Variants in RANBP9 observed in about 807,000 individuals in gnomAD.
The protein encoded by RANBP9 is RAN binding protein 9, also known as ran-binding protein 9.
Under a neutral mutation model 84.3 loss-of-function variants are expected in RANBP9, and 15 were observed. The observed-to-expected ratio is 0.18, with a 90% CI of 0.12 to 0.27. The LOEUF is 0.27. Among genes scored for constraint, RANBP9 ranks in the 10% least tolerant of loss-of-function variants. RANBP9 has a pLI of 1.00. For synonymous variants in RANBP9, 392 were observed against 349.6 expected, an observed-to-expected ratio of 1.12 and a Z score of -1.35; for missense variants, 809 against 912.8, an observed-to-expected ratio of 0.89 and a Z score of 1.46.
At chr6:13,687,999 C>T (rs2113342789) in intron 2 of RANBP9, among the ~76,000 whole-genome samples, 1 of 152,316 alleles carries the variant, frequency 6.6e-6, no homozygotes, top group East Asian at 1.9e-4. Context: ...ACAGCAGCAG[C>T]AAGAAGACAC....
intron 2 of RANBP9, among the ~76,000 whole-genome samples, chr6:13,661,932 T>C (rs1228592953): frequency 7.1e-4 from 108 of 152,174 alleles, no homozygotes; most frequent in Admixed American, 7.1e-3. Context: ...GTTCAAAGTA[T>C]TGAAAGTAAA....
chr6:13,698,015 T>TCACAC (rs1164987476), intron 1 of RANBP9, among the ~76,000 whole-genome samples: 8 of 152,246 alleles, frequency 5.3e-5, no homozygotes. Flanking sequence ...TATACAATCA[T>TCACAC]CACACATGAA....
intron 12 of RANBP9, among the ~76,000 whole-genome samples, chr6:13,630,952 G>A (rs554259776): frequency 2.6e-5 from 4 of 151,808 alleles, no homozygotes; most frequent in East Asian, 1.9e-4. Flanking sequence ...TGGGACTACC[G>A]GCGCCCGCCA....
rs557864258 is a variant in RANBP9 at position 13,653,513 on chromosome 6, T to C, written c.905-832A>G. On this transcript the variant is annotated intron_variant, in intron 4 of 13. Transcript: ENST00000011619. ...GGTGAGTCAGTCAGCTGATCTCAAT[T>C]CTTCCAGTCTAAAACAAACATTAAA... is the stretch of plus-strand genomic sequence containing the variant. Among the ~76,000 whole-genome samples, 7 of 152,276 alleles carry C rather than the reference T, an allele frequency of 4.6e-5. No individual in the cohort carries two copies. In the South Asian group the frequency reaches 1.4e-3, roughly 32 times the overall value.
At chr6:13,635,598 T>G (rs1764917583) in intron 10 of RANBP9, among the ~76,000 whole-genome samples, 1 of 151,012 alleles carries the variant, frequency 6.6e-6, no homozygotes, top group Non-Finnish European at 1.5e-5. Context: ...CATACACTCC[T>G]GTTAGTAAAA....
chr6:13,644,891 T>C (rs1276075700), intron 5 of RANBP9, among the ~76,000 whole-genome samples, 162 bp from the exon 6 acceptor site: 1 of 152,186 alleles, frequency 6.6e-6, no homozygotes, highest in African/African-American at 2.4e-5. Flanking sequence ...AAATACATTA[T>C]ATGTTAGATG....
At chr6:13,663,734 A>G (rs1375628240) in intron 2 of RANBP9, among the ~76,000 whole-genome samples, 1 of 152,184 alleles carries the variant, frequency 6.6e-6, no homozygotes, top group African/African-American at 2.4e-5. Context: ...GTTTAACCCA[A>G]GAACAAAAGA....
At chr6:13,681,964 T>C (rs1766051379) in intron 2 of RANBP9, among the ~76,000 whole-genome samples, 1 of 152,118 alleles carries the variant, frequency 6.6e-6, no homozygotes, top group Non-Finnish European at 1.5e-5. Context: ...GCTCAAGCGA[T>C]TCTCCTGCCT....
intron 1 of RANBP9, among the ~76,000 whole-genome samples, chr6:13,709,955 T>C (rs1758232230): frequency 6.6e-6 from 1 of 152,222 alleles, no homozygotes; most frequent in Non-Finnish European, 1.5e-5. Context: ...CCTAAAACCC[T>C]GGATTTGTTT....
chr6:13,685,934 A>G (rs545982863), intron 2 of RANBP9, among the ~76,000 whole-genome samples: 1 of 152,192 alleles, frequency 6.6e-6, no homozygotes, highest in Non-Finnish European at 1.5e-5. Context: ...TGTCTCAAAA[A>G]AAAAAAAAAG....
intron 1 of RANBP9, among the ~76,000 whole-genome samples, chr6:13,709,119 T>C (rs1758208153): frequency 6.6e-6 from 1 of 152,186 alleles, no homozygotes; most frequent in African/African-American, 2.4e-5. Context: ...TCCAACTAAT[T>C]TCATATAAAC....
At chr6:13,656,145 G>A (rs1224935193) in intron 4 of RANBP9, among the ~76,000 whole-genome samples, 1 of 152,076 alleles carries the variant, frequency 6.6e-6, no homozygotes, top group African/African-American at 2.4e-5. Context: ...TTTATACTAT[G>A]AAATAACAGA....
At chr6:13,692,733 T>A (rs946085200) in intron 2 of RANBP9, among the ~76,000 whole-genome samples, 1 of 150,138 alleles carries the variant, frequency 6.7e-6, no homozygotes, top group Non-Finnish European at 1.5e-5. Context: ...ATGTCTGTAA[T>A]CCCAGCTACT....
Position 13,680,136 on chromosome 6 carries a change from ACT to A in RANBP9, c.683+16647_683+16648del, listed in dbSNP as rs549935821. On this transcript the variant is annotated intron_variant, in intron 2 of 13. Coordinates refer to ENST00000011619, the MANE Select transcript of RANBP9 (RefSeq NM_005493.3). ...CAGGTTTTCCAGTTTTTACCAAAAA[ACT>A]CTTCAAAAAAACAAAATAATAGAAG... Among the ~76,000 whole-genome samples the A allele has an allele frequency of 6.7e-3, 1,027 of 152,194 alleles. 11 individuals carry two copies. The highest frequency in any genetic ancestry group is 0.022 in the African/African-American group (914 of 41,532).
chr6:13,649,704 A>AT (rs200116236), intron 5 of RANBP9, among the ~76,000 whole-genome samples: 18 of 151,076 alleles, frequency 1.2e-4, no homozygotes, highest in African/African-American at 2.2e-4. Flanking sequence ...TCCTAACTTA[A>AT]TTTTTTTTTC....
chr6:13,687,764 C>T (rs1350690684), intron 2 of RANBP9, among the ~76,000 whole-genome samples: 2 of 152,206 alleles, frequency 1.3e-5, no homozygotes, highest in African/African-American at 2.4e-5. Context: ...CCCAACTGAT[C>T]TCTAGAAGTC....
At chr6:13,631,377 C>CA (rs927880289) in intron 12 of RANBP9, among the ~76,000 whole-genome samples, 18 of 152,166 alleles carry the variant, frequency 1.2e-4, no homozygotes, top group Non-Finnish European at 2.4e-4. Context: ...TGCTATGTTT[C>CA]AGATTTCAGA....
intron 2 of RANBP9, among the ~76,000 whole-genome samples, chr6:13,667,041 C>T (rs1239135161): frequency 2.0e-5 from 3 of 152,096 alleles, no homozygotes; most frequent in Admixed American, 6.5e-5. Flanking sequence ...CAGTGAGGGA[C>T]AGGCAAAATT....
chr6:13,672,423 TTTAA>T (rs1765797372), intron 2 of RANBP9, among the ~76,000 whole-genome samples: 2 of 152,120 alleles, frequency 1.3e-5, no homozygotes, highest in South Asian at 4.1e-4. Context: ...ATAGACTTTT[TTTAA>T]TTAATAAAAG....
Sources: allele counts gnomAD v4.1 joint callset (sites outside exome capture counted in the v4.1 genomes callset), GRCh38; gene constraint gnomAD v4.1.1; transcripts MANE v1.5; gene names NCBI Gene and HGNC (gene_info 2026-07-23, HGNC 2026-07-21).